TARS3: variants seen among roughly 807,000 people sequenced by gnomAD.
TARS3 encodes threonyl-tRNA synthetase 3, also known as threonine--tRNA ligase 2, cytoplasmic.
In TARS3, 94 loss-of-function variants were observed where a neutral mutation model predicts 103.5. The ratio of observed to expected loss-of-function variants is 0.91; its 90% CI spans 0.77 to 1.08. The LOEUF (loss-of-function observed/expected upper bound fraction) is 1.08, where lower values mean the gene tolerates loss of function less well. TARS3 is among the 50% of genes least tolerant of loss of function. The probability of loss-of-function intolerance (pLI) is 0.00; values close to 1 mark genes in which losing one functional copy is unlikely to be tolerated. For missense variants in TARS3, 952 were observed against 995.2 expected (o/e 0.96, Z 0.58); for synonymous variants, 416 against 355.4 (o/e 1.17, Z -1.92).
rs756981184 is a variant in TARS3, at chr15:101,702,242, C to T, written c.1218G>A (p.Gly406=). The change falls in exon 9 of 19, where the codon GGG becomes GGA. Residue 406 remains glycine, a synonymous_variant. Transcript: ENST00000335968. ...GTGATTAAGATGTGGGGCATACCTTCCCGATCTTCCTGTGATCTCGGTTCT... is the reference window on the plus strand; with the variant it reads ...GTGATTAAGATGTGGGGCATACCTTTCCGATCTTCCTGTGATCTCGGTTCT... ...EAKNRDHRKI[G]KEQELFFFHD... 1 of 1,614,152 alleles carries T rather than the reference C, an allele frequency of 6.2e-7. No individual in the cohort carries two copies.
In TARS3 at chr15:101,675,578, AAG is replaced by A; in HGVS notation, c.1788+20_1788+21del. 1 of 1,601,308 alleles carries A rather than the reference AAG, an allele frequency of 6.2e-7. No homozygotes were observed. The highest frequency in any genetic ancestry group is 8.5e-7 in the Non-Finnish European group (1 of 1,174,536). The stretch of plus-strand genomic sequence containing the variant: ...CTTCCATACGACTAAAATGAAGAGG[AAG>A]CACAAGGTGTGTCTCTTACCTTCTC... On this transcript the variant is annotated intron_variant, in intron 13 of 18. Coordinates refer to ENST00000335968, the MANE Select transcript of TARS3 (RefSeq NM_152334.3).
chr15:101,657,768 A>C lies in TARS3; in HGVS notation c.2145+17T>G. ...ACATGCAAGATTATTATGTACTTTAAACACCTCTGATTTTACCTGAAGTGC... is the reference window on the plus strand; with the variant it reads ...ACATGCAAGATTATTATGTACTTTACACACCTCTGATTTTACCTGAAGTGC... On this transcript the variant is annotated intron_variant, in intron 17 of 18. Coordinates refer to ENST00000335968, the MANE Select transcript of TARS3 (RefSeq NM_152334.3). The C allele has an allele frequency of 6.4e-7, 1 of 1,573,158 alleles. No individual in the cohort carries two copies. Among genetic ancestry groups the C allele is most frequent in the Non-Finnish European group, 8.7e-7 (1 of 1,148,942 alleles).
At chr15:101,682,237 A>T (rs1898283786) in intron 12 of TARS3, among the ~76,000 whole-genome samples, 1 of 152,168 alleles carries the variant, frequency 6.6e-6, no homozygotes, top group Non-Finnish European at 1.5e-5. Context: ...GACTCTCACT[A>T]TTAAGTATGA....
At chr15:101,678,977 A>G (rs1021537102) in intron 12 of TARS3, among the ~76,000 whole-genome samples, 10 of 152,174 alleles carry the variant, frequency 6.6e-5, no homozygotes, top group African/African-American at 2.4e-4. Context: ...TCTGGCCTCC[A>G]GGATTTTTGT....
intron 6 of TARS3, among the ~76,000 whole-genome samples, chr15:101,708,169 G>C (rs532823307): frequency 6.9e-6 from 1 of 144,884 alleles, no homozygotes; most frequent in Admixed American, 7.2e-5. Flanking sequence ...TTGAATCCAG[G>C]AGGCGGAGGT....
At chr15:101,694,620 T>G (rs1898880051) in intron 10 of TARS3, among the ~76,000 whole-genome samples, 1 of 152,132 alleles carries the variant, frequency 6.6e-6, no homozygotes, top group African/African-American at 2.4e-5. Flanking sequence ...GCAGATAGAC[T>G]GAAAAATATC....
At chr15:101,717,999 T>C (rs1045163811) in intron 3 of TARS3, among the ~76,000 whole-genome samples, 3 of 152,224 alleles carry the variant, frequency 2.0e-5, no homozygotes, top group Non-Finnish European at 4.4e-5. Flanking sequence ...TGTGATAGTA[T>C]ATCAAAATAT....
At chr15:101,712,153 C>T (rs1899901939) in intron 4 of TARS3, 152 bp from the exon 5 acceptor site, 2 of 808,442 alleles carry the variant, frequency 2.5e-6, no homozygotes, top group Non-Finnish European at 3.8e-6. Flanking sequence ...CTTCGATGCC[C>T]ACTTAGAAGA....
intron 7 of TARS3, among the ~76,000 whole-genome samples, chr15:101,705,302 C>T (rs1252726936): frequency 6.6e-6 from 1 of 152,198 alleles, no homozygotes; most frequent in African/African-American, 2.4e-5. Context: ...GACTCTTCTA[C>T]ACTTGCACTC....
At chr15:101,708,608 A>T (rs912240356) in intron 6 of TARS3, among the ~76,000 whole-genome samples, 185 bp downstream of exon 6, 7 of 152,206 alleles carry the variant, frequency 4.6e-5, no homozygotes, top group African/African-American at 1.7e-4. Flanking sequence ...TCTCCCCTCA[A>T]ATGTTCAGGA....
rs956325002 is a variant in TARS3, at chr15:101,724,464, G to C, written c.-77C>G. 3.1e-5 allele frequency: 42 copies of C among 1,342,138 alleles called. No homozygotes were observed. The Admixed American group carries it at 6.2e-4, about 20-fold the overall frequency. 83.1% of individuals were successfully genotyped at this position (1,342,138 alleles called of 1,614,324 possible). ...AGGGCGACGCGGACACTCAGCGCAC[G>C]GCAGAAGACAGGGCTCCCGGGAGGG... On this transcript the variant is annotated 5_prime_UTR_variant, in exon 1 of 19. Transcript: ENST00000335968.
At chr15:101,705,544 T>C in intron 7 of TARS3, 139 bp downstream of exon 7, 1 of 698,694 alleles carries the variant, frequency 1.4e-6, no homozygotes. Context: ...AGTGAAAACA[T>C]TTTGAAGATT....
chr15:101,705,105 G>A (rs1470366528), intron 7 of TARS3, among the ~76,000 whole-genome samples: 2 of 152,178 alleles, frequency 1.3e-5, no homozygotes, highest in Admixed American at 1.3e-4. Flanking sequence ...GTATACACAC[G>A]AATAAAGAAA....
chr15:101,679,164 T>C (rs1300837703), intron 12 of TARS3, among the ~76,000 whole-genome samples: 3 of 152,326 alleles, frequency 2.0e-5, no homozygotes, highest in East Asian at 1.9e-4. Context: ...CTTGAATCTG[T>C]AGATGTCTTT....
chr15:101,684,234 T>C lies in TARS3; in HGVS notation c.1491A>G (p.Leu497=), dbSNP rs1297283566. Residue 497 remains leucine (L), a synonymous_variant, in exon 12 of 19, where the codon CTA becomes CTG. Transcript: ENST00000335968. ...LKPMNCPGHC[L]MFAHRPRSWR... ...AAGATCGTGGACGATGGGCAAACAT[T>C]AGACTAGAAAAGATGTGGTAACACA... 2 of 1,613,282 alleles carry C rather than the reference T, an allele frequency of 1.2e-6. No homozygotes were observed. The highest frequency in any genetic ancestry group is 1.7e-6 in the Non-Finnish European group (2 of 1,179,588).
rs763661227 is a variant in TARS3 at position 101,702,313 on chromosome 15, C to G, written c.1147G>C (p.Asp383His). 6.2e-7 allele frequency: 1 copy of G among 1,614,100 alleles called. No individual in the cohort carries two copies. Among genetic ancestry groups the G allele is most frequent in the Non-Finnish European group, 8.5e-7 (1 of 1,179,978 alleles). Residue 383 changes from aspartate to histidine, a missense_variant, in exon 9 of 19, where the codon GAT (aspartate) becomes CAT (histidine). By Grantham distance (81) the Asp-to-His change is moderately conservative (BLOSUM62 -1). Coordinates refer to ENST00000335968, the MANE Select transcript of TARS3 (RefSeq NM_152334.3). The part of the protein sequence containing the change: ...LQRIYGISFP[D>H]NKMMRDWEKF... ...TCCCAGTCTCTCATCATCTTGTTAT[C>G]AGGAAAGGATATTCCATAGATCCTC... is the stretch of plus-strand genomic sequence containing the variant.
intron 5 of TARS3, among the ~76,000 whole-genome samples, chr15:101,709,216 C>T (rs1184009583): frequency 6.6e-6 from 1 of 152,224 alleles, no homozygotes; most frequent in East Asian, 1.9e-4. Flanking sequence ...CTTCCTTACC[C>T]TTCACATGCT....
At chr15:101,683,897 G>T (rs550379544) in intron 12 of TARS3, among the ~76,000 whole-genome samples, 178 bp downstream of exon 12, 1 of 152,316 alleles carries the variant, frequency 6.6e-6, no homozygotes, top group East Asian at 1.9e-4. Flanking sequence ...TATATTTCAT[G>T]TCAAGAGATG....
At chr15:101,710,036 C>T (rs1363809829) in intron 5 of TARS3, among the ~76,000 whole-genome samples, 1 of 152,218 alleles carries the variant, frequency 6.6e-6, no homozygotes, top group Non-Finnish European at 1.5e-5. Flanking sequence ...TCAGCACCCC[C>T]ACCTGCCTCC....
Sources: allele counts gnomAD v4.1 joint callset (sites outside exome capture counted in the v4.1 genomes callset), GRCh38; gene constraint gnomAD v4.1.1; transcripts MANE v1.5; gene names NCBI Gene and HGNC (gene_info 2026-07-23, HGNC 2026-07-21).